Variants in SYTL3 observed in about 807,000 individuals in gnomAD.
The protein encoded by SYTL3 is synaptotagmin like 3.
In SYTL3, 88 loss-of-function variants were observed where a neutral mutation model predicts 82.1. That is an observed-to-expected ratio of 1.07 (90% CI 0.90 to 1.28). SYTL3 has a LOEUF of 1.28. Among genes scored for constraint, SYTL3 ranks in the 50% most tolerant of loss-of-function variants. The pLI is 0.00. For synonymous variants in SYTL3, 311 were observed against 289.4 expected (o/e 1.07, Z -0.76); for missense variants, 831 against 757.6 (o/e 1.10, Z -1.14).
chr6:158,705,113 G>A (rs1468530948), intron 6 of SYTL3, among the ~76,000 whole-genome samples: 65 of 67,072 alleles, frequency 9.7e-4, no homozygotes, highest in South Asian at 1.5e-3. Flanking sequence ...GGAGGGACCT[G>A]GGGACAGGGT....
chr6:158,701,419 A>T (rs1277685062), intron 6 of SYTL3, among the ~76,000 whole-genome samples: 1 of 141,032 alleles, frequency 7.1e-6, no homozygotes, highest in Non-Finnish European at 1.6e-5. Context: ...TGTCTGGGGG[A>T]GGAGCCGTGG....
intron 9 of SYTL3, among the ~76,000 whole-genome samples, chr6:158,714,847 G>T (rs1783175498): frequency 6.6e-6 from 1 of 152,132 alleles, no homozygotes; most frequent in Non-Finnish European, 1.5e-5. Flanking sequence ...TTAATTAGTT[G>T]TCCGTATTCC....
chr6:158,666,464 G>A (rs1302333897), intron 5 of SYTL3, among the ~76,000 whole-genome samples: 1 of 152,164 alleles, frequency 6.6e-6, no homozygotes, highest in East Asian at 1.9e-4. Flanking sequence ...GACTCCTGCT[G>A]TTCAAAGCAA....
chr6:158,747,030 A>G (rs969968484), intron 12 of SYTL3, among the ~76,000 whole-genome samples: 63 of 152,300 alleles, frequency 4.1e-4, no homozygotes, highest in Middle Eastern at 3.4e-3. Flanking sequence ...TCTGTTGCCC[A>G]GGCTGGAGTG....
At position 158,708,933 on chromosome 6, in the gene SYTL3, A is replaced by G. The variant is rs551677150; in HGVS notation, c.516+542A>G. Among the ~76,000 whole-genome samples the G allele has an allele frequency of 2.0e-5, 3 of 152,286 alleles. No homozygotes were observed. The East Asian group carries it at 5.8e-4, about 29-fold the overall frequency. On this transcript the variant is annotated intron_variant, in intron 8 of 17. Coordinates refer to ENST00000611299, the MANE Select transcript of SYTL3 (RefSeq NM_001242394.2). ...TTATGTCCCAATACGCCCAAAGTAA[A>G]TTGAAAATACTGTAAGTCAAAAATA...
chr6:158,758,069 C>T (rs746877827), intron 14 of SYTL3, among the ~76,000 whole-genome samples: 9 of 152,082 alleles, frequency 5.9e-5, no homozygotes, highest in Non-Finnish European at 1.2e-4. Context: ...TTTGCTGTGT[C>T]CAGATCCCGG....
rs528018077 is a variant in SYTL3, at chr6:158,763,617, T to C, written c.1723+108T>C. 3.2e-6 allele frequency: 3 copies of C among 940,426 alleles called. No individual in the cohort carries two copies. The Admixed American group carries it at 6.2e-5, about 19-fold the overall frequency. 58.3% of individuals were successfully genotyped at this position (940,426 alleles called of 1,614,324 possible). ...GGCAGTGACTTAACTGGTTTTGAAA[T>C]TGCCTAGCCTGCCTTAATTGGAAAT... On this transcript the variant is annotated intron_variant, in intron 17 of 17. Coordinates refer to ENST00000611299, the MANE Select transcript of SYTL3 (RefSeq NM_001242394.2).
At chr6:158,745,849 G>A (rs1210751576) in intron 12 of SYTL3, among the ~76,000 whole-genome samples, 191 bp downstream of exon 12, 2 of 152,080 alleles carry the variant, frequency 1.3e-5, no homozygotes, top group Non-Finnish European at 2.9e-5. Flanking sequence ...AACAAGTCAG[G>A]AAAGTAGAAT....
intron 8 of SYTL3, 128 bp downstream of exon 8, chr6:158,708,519 C>T (rs9456341): frequency 0.19 from 165,956 of 890,982 alleles, 17,524 homozygotes; most frequent in South Asian, 0.35. Context: ...GTGCCTGGAG[C>T]GGGTCACAAA....
At chr6:158,712,347 A>G (rs1782848080) in intron 8 of SYTL3, among the ~76,000 whole-genome samples, 1 of 152,220 alleles carries the variant, frequency 6.6e-6, no homozygotes, top group Non-Finnish European at 1.5e-5. Flanking sequence ...ACACCCTCAC[A>G]GACACACCCA....
At chr6:158,645,081 G>A (rs1246908916), upstream of SYTL3, among the ~76,000 whole-genome samples, 1 of 152,206 alleles carries the variant, frequency 6.6e-6, no homozygotes, top group South Asian at 2.1e-4. Flanking sequence ...TGACGCGGAC[G>A]TTCAAACCCG....
chr6:158,693,787 C>T, intron 6 of SYTL3, among the ~76,000 whole-genome samples: 1 of 150,136 alleles, frequency 6.7e-6, no homozygotes, highest in African/African-American at 2.5e-5. Context: ...AAGTGATCCA[C>T]CTGCGCCGGC....
At chr6:158,677,234 G>T (rs995585601) in intron 5 of SYTL3, among the ~76,000 whole-genome samples, 2 of 151,988 alleles carry the variant, frequency 1.3e-5, no homozygotes, top group African/African-American at 2.4e-5. Flanking sequence ...CCATAAAAAA[G>T]GATGAGTTCA....
chr6:158,727,701 T>TTTTTTTTTTTTTTG (rs1784911416), intron 11 of SYTL3, among the ~76,000 whole-genome samples: 1 of 148,366 alleles, frequency 6.7e-6, no homozygotes, highest in African/African-American at 2.5e-5. Flanking sequence ...TTTTTTTTTT[T>TTTTTTTTTTTTTTG]GAGATGAAGT....
chr6:158,732,656 C>T (rs1785554273), intron 11 of SYTL3, among the ~76,000 whole-genome samples: 1 of 152,206 alleles, frequency 6.6e-6, no homozygotes, highest in Non-Finnish European at 1.5e-5. Context: ...AGTTTTACCT[C>T]GTGTCTCCAA....
chr6:158,679,590 A>T (rs1470281951), intron 5 of SYTL3, among the ~76,000 whole-genome samples: 1 of 152,006 alleles, frequency 6.6e-6, no homozygotes, highest in East Asian at 1.9e-4. Context: ...TTCTTTAATC[A>T]CAGATAGGCC....
chr6:158,686,596 G>A (rs1289472219), intron 6 of SYTL3, among the ~76,000 whole-genome samples: 1 of 152,182 alleles, frequency 6.6e-6, no homozygotes, highest in Non-Finnish European at 1.5e-5. Flanking sequence ...ATTCCACCAC[G>A]CTCCTATTTG....
chr6:158,666,146 C>A (rs1790025263), intron 5 of SYTL3, among the ~76,000 whole-genome samples: 2 of 152,148 alleles, frequency 1.3e-5, no homozygotes, highest in South Asian at 4.1e-4. Context: ...AGTTCAGATT[C>A]ATTTGGGTCT....
At position 158,704,568 on chromosome 6, in the gene SYTL3, C is replaced by A. The variant is rs372360783; in HGVS notation, c.395-2662C>A. Among the ~76,000 whole-genome samples, 22 of 152,360 alleles carry A rather than the reference C, an allele frequency of 1.4e-4. No homozygotes were observed. The East Asian group carries it at 1.5e-3, about 11-fold the overall frequency. The stretch of plus-strand genomic sequence containing the variant: ...CAGTAATCGTGCAGGCAGGGCCGGC[C>A]TCACCGGGTAGGCAGGGCAATAAGG... On this transcript the variant is annotated intron_variant, in intron 6 of 17. Transcript: ENST00000611299.
Sources: allele counts gnomAD v4.1 joint callset (sites outside exome capture counted in the v4.1 genomes callset), GRCh38; gene constraint gnomAD v4.1.1; transcripts MANE v1.5; gene names NCBI Gene and HGNC (gene_info 2026-07-23, HGNC 2026-07-21).